The following PTPRT variants were observed in gnomAD, a reference collection of about 807,000 sequenced individuals.
PTPRT encodes the protein receptor-type tyrosine-protein phosphatase T.
PTPRT carries 56 observed loss-of-function variants against 176.8 expected under a neutral mutation model. That is an observed-to-expected ratio of 0.32 (90% CI 0.26 to 0.40). PTPRT has a LOEUF of 0.40. PTPRT is among the 10% of genes least tolerant of loss of function. The pLI is 1.00. For synonymous variants in PTPRT, 783 were observed against 739.0 expected, an observed-to-expected ratio of 1.06 and a Z score of -0.96; for missense variants, 1,540 against 1,908.2, an observed-to-expected ratio of 0.81 and a Z score of 3.60.
At chr20:42,533,925 C>T (rs115711548) in intron 7 of PTPRT, among the ~76,000 whole-genome samples, 71 of 152,302 alleles carry the variant, frequency 4.7e-4, no homozygotes, top group African/African-American at 1.5e-3. Flanking sequence ...GGCTTCCTCT[C>T]CTGCCATTCT....
chr20:43,001,368 T>C (rs1984541710), intron 1 of PTPRT, among the ~76,000 whole-genome samples: 1 of 152,164 alleles, frequency 6.6e-6, no homozygotes, highest in Admixed American at 6.5e-5. Flanking sequence ...GGCATAGTTA[T>C]ACAACTTTTT....
At chr20:42,543,702 G>A (rs1426561597) in intron 7 of PTPRT, among the ~76,000 whole-genome samples, 2 of 151,828 alleles carry the variant, frequency 1.3e-5, no homozygotes, top group Non-Finnish European at 2.9e-5. Context: ...AATATCTATG[G>A]CAGCTGTAGC....
chr20:42,509,564 A>C (rs539104226), intron 7 of PTPRT, among the ~76,000 whole-genome samples: 24 of 134,894 alleles, frequency 1.8e-4, no homozygotes, highest in African/African-American at 5.5e-4. Flanking sequence ...ATTTCTATTC[A>C]AACTGTTTGT....
At chr20:42,144,089 TG>T (rs1232176499) in intron 17 of PTPRT, among the ~76,000 whole-genome samples, 1 of 151,994 alleles carries the variant, frequency 6.6e-6, no homozygotes, top group Non-Finnish European at 1.5e-5. Context: ...TGGGCATGCG[TG>T]GGAACAGTGA....
At chr20:42,726,051 G>A (rs2076374004) in intron 6 of PTPRT, among the ~76,000 whole-genome samples, 1 of 141,082 alleles carries the variant, frequency 7.1e-6, no homozygotes, top group Non-Finnish European at 1.5e-5. Flanking sequence ...GTAGAATGTG[G>A]GCATCTTTAT....
downstream of PTPRT, among the ~76,000 whole-genome samples, chr20:42,070,471 CCTCT>C (rs1387084542): frequency 3.3e-5 from 5 of 152,002 alleles, no homozygotes; most frequent in Admixed American, 1.3e-4. Flanking sequence ...GTGGGATGTC[CCTCT>C]CTGCTAACGT....
At chr20:42,330,254 T>C (rs2057948495) in intron 11 of PTPRT, among the ~76,000 whole-genome samples, 1 of 152,166 alleles carries the variant, frequency 6.6e-6, no homozygotes, top group African/African-American at 2.4e-5. Context: ...GCGGATCACC[T>C]GAGATCGGGA....
At chr20:43,157,469 G>T (rs1240658472) in intron 1 of PTPRT, among the ~76,000 whole-genome samples, 1 of 152,200 alleles carries the variant, frequency 6.6e-6, no homozygotes, top group Non-Finnish European at 1.5e-5. Flanking sequence ...ACACTGTAAA[G>T]GTAGAACCTT....
chr20:42,702,708 A>T (rs1262970622), intron 6 of PTPRT, among the ~76,000 whole-genome samples: 1 of 152,142 alleles, frequency 6.6e-6, no homozygotes, highest in Admixed American at 6.5e-5. Context: ...CTGTTCTATC[A>T]CCATTAACCT....
chr20:42,727,374 C>T (rs551932155), intron 6 of PTPRT, among the ~76,000 whole-genome samples: 8 of 152,322 alleles, frequency 5.3e-5, no homozygotes, highest in African/African-American at 1.9e-4. Context: ...ACACCAAGAA[C>T]ACTGCCAAGA....
intron 16 of PTPRT, among the ~76,000 whole-genome samples, chr20:42,195,203 A>T (rs572228944): frequency 6.6e-6 from 1 of 152,376 alleles, no homozygotes; most frequent in East Asian, 1.9e-4. Flanking sequence ...ATGCAGGGAC[A>T]GGTAGAATTT....
intron 2 of PTPRT, among the ~76,000 whole-genome samples, chr20:42,842,746 G>A (rs2078300602): frequency 6.6e-6 from 1 of 152,132 alleles, no homozygotes; most frequent in Non-Finnish European, 1.5e-5. Context: ...AGTTCTTGAG[G>A]CTGAAAAGTC....
chr20:42,895,597 A>C (rs939774405), intron 1 of PTPRT, among the ~76,000 whole-genome samples: 3 of 152,166 alleles, frequency 2.0e-5, no homozygotes, highest in African/African-American at 7.2e-5. Context: ...AGGGGGCCAC[A>C]TGTTCCCTGT....
At chr20:42,736,815 G>A (rs1036294419) in intron 6 of PTPRT, among the ~76,000 whole-genome samples, 1 of 151,970 alleles carries the variant, frequency 6.6e-6, no homozygotes, top group Non-Finnish European at 1.5e-5. Context: ...AAGATGAGGA[G>A]AGATGGAAGG....
chr20:42,897,565 T>C lies in PTPRT; in HGVS notation c.89-11633A>G, dbSNP rs548436124. ...TCTGATGCCTTCATGCCCTTTTGGG[T>C]CTCCAGTTTTCTCACATATTAAATA... On this transcript the variant is annotated intron_variant, in intron 1 of 30. Coordinates refer to ENST00000373187, the MANE Select transcript of PTPRT (RefSeq NM_007050.6). Among the ~76,000 whole-genome samples the C allele has an allele frequency of 3.5e-4, 54 of 152,232 alleles. No individual in the cohort carries two copies. The South Asian group carries it at 8.5e-3, about 24-fold the overall frequency.
At chr20:42,848,720 T>C (rs1221472115) in intron 2 of PTPRT, among the ~76,000 whole-genome samples, 2 of 152,220 alleles carry the variant, frequency 1.3e-5, no homozygotes, top group Admixed American at 1.3e-4. Flanking sequence ...TGGTCCTTTG[T>C]TGGATGTATA....
chr20:42,802,251 C>G (rs1001174893), intron 2 of PTPRT, among the ~76,000 whole-genome samples: 13 of 152,194 alleles, frequency 8.5e-5, no homozygotes, highest in African/African-American at 3.1e-4. Flanking sequence ...ATTCCCCAGC[C>G]CTGATAGGGC....
intron 28 of PTPRT, 32 bp downstream of exon 28, chr20:42,085,696 G>C (rs182867009): frequency 6.2e-7 from 1 of 1,612,156 alleles, no homozygotes; most frequent in African/African-American, 1.3e-5. Context: ...GGGGAGGAGG[G>C]GCTCAGCAAG....
Position 42,791,447 on chromosome 20 carries a change from G to A in PTPRT, c.234C>T (p.Asn78=), listed in dbSNP as rs1374086378. 3 of 1,612,106 alleles carry A rather than the reference G, an allele frequency of 1.9e-6. No homozygotes were observed. In the Admixed American group the frequency reaches 5.0e-5, roughly 27 times the overall value. The change falls in exon 3 of 31, where the codon AAC becomes AAT. Residue 78 remains asparagine, a synonymous_variant. Coordinates refer to ENST00000373187, the MANE Select transcript of PTPRT (RefSeq NM_007050.6). ...TCTGGCCAGAGGCTCTCCCAGAGCT[G>A]TTCACCATCATGAAAGATCCTGGAG... ...AVPTGSFMMV[N]SSGRASGQKA...
Sources: gnomAD v4.1 joint callset for allele counts (sites outside exome capture counted in the v4.1 genomes callset) on GRCh38, gnomAD v4.1.1 for gene constraint, MANE v1.5 for transcripts, NCBI Gene and HGNC (gene_info 2026-07-23, HGNC 2026-07-21) for gene names.